The following MYCL variants were observed in gnomAD, a reference collection of about 807,000 sequenced individuals.
MYCL encodes MYCL proto-oncogene, bHLH transcription factor, also known as protein L-Myc.
Under a neutral mutation model 31.0 loss-of-function variants are expected in MYCL, and 11 were observed. That is an observed-to-expected ratio of 0.35 (90% CI 0.22 to 0.59). The LOEUF (loss-of-function observed/expected upper bound fraction) is 0.59. Among genes scored for constraint, MYCL ranks in the 20% least tolerant of loss-of-function variants. The pLI is 0.79. For synonymous variants in MYCL, 208 were observed against 202.4 expected, an observed-to-expected ratio of 1.03 and a Z score of -0.23; for missense variants, 427 against 486.1, an observed-to-expected ratio of 0.88 and a Z score of 1.14.
intron 1 of MYCL, among the ~76,000 whole-genome samples, chr1:39,899,268 A>G (rs559605953): frequency 3.9e-5 from 6 of 152,210 alleles, no homozygotes; most frequent in Admixed American, 1.3e-4. Flanking sequence ...AGAAGCTCAC[A>G]AACAGGTTCA....
rs1032884289 is a variant in MYCL, at chr1:39,901,710, G to T, written c.-276C>A. On this transcript the variant is annotated 5_prime_UTR_variant, in exon 1 of 2. Coordinates refer to ENST00000372816, the MANE Select transcript of MYCL (RefSeq NM_001033081.3). This position sits in a 1 kb window ranked among gnomAD's most constrained non-coding sequence, Gnocchi z 6.9. ...GCCCGGAGCGCAGCTCCCAGGGCCCGGCGGGGCCGGGCGGGGGCGCGCCGT... is the reference window on the plus strand; with the variant it reads ...GCCCGGAGCGCAGCTCCCAGGGCCCTGCGGGGCCGGGCGGGGGCGCGCCGT... The T allele has an allele frequency of 1.6e-6, 2 of 1,217,936 alleles. No individual in the cohort carries two copies. Among genetic ancestry groups the T allele is most frequent in the South Asian group, 6.7e-5 (2 of 29,892 alleles). 75.4% of individuals were successfully genotyped at this position (1,217,936 alleles called of 1,614,324 possible).
chr1:39,897,161 C>A lies in MYCL; in HGVS notation c.*211G>T. On this transcript the variant is annotated 3_prime_UTR_variant, in exon 2 of 2. Transcript: ENST00000372816. This position sits in a 1 kb window ranked among gnomAD's most constrained non-coding sequence, Gnocchi z 4.3. Reference sequence around the variant, plus strand: ...CAAAGGCGCCAGAGAACATACAGCACTCCCATGAGTCAGGGAAGAGGGAGA... The same window carrying A: ...CAAAGGCGCCAGAGAACATACAGCAATCCCATGAGTCAGGGAAGAGGGAGA... 1.7e-6 allele frequency: 1 copy of A among 598,214 alleles called. No homozygotes were observed. Among genetic ancestry groups the A allele is most frequent in the Non-Finnish European group, 2.9e-6 (1 of 339,824 alleles). The allele number at this position is 598,214 out of a possible 1,614,324, so 37.1% of individuals were successfully genotyped here.
chr1:39,901,543 C>T lies in MYCL; in HGVS notation c.-109G>A, dbSNP rs1644540588. On this transcript the variant is annotated 5_prime_UTR_variant, in exon 1 of 2. Coordinates refer to ENST00000372816, the MANE Select transcript of MYCL (RefSeq NM_001033081.3). The surrounding 1 kb of genome is among the most constrained non-coding windows in gnomAD (Gnocchi z 6.9). ...AGTCGGCTGCCGGGCTCTCGTTCCT[C>T]CCCAACCCCACCAGCTTGCAGCCTG... The T allele has an allele frequency of 2.0e-6, 3 of 1,488,506 alleles. No homozygotes were observed. The highest frequency in any genetic ancestry group is 2.4e-5 in the East Asian group (1 of 42,370). The allele number at this position is 1,488,506 out of a possible 1,614,324, so 92.2% of individuals were successfully genotyped here. A position where few individuals can be genotyped will look rare whatever the true frequency, so the allele number is the denominator to read the frequency against.
chr1:39,900,824 A>G (rs1359459612), intron 1 of MYCL, 115 bp downstream of exon 1: 4 of 1,486,586 alleles, frequency 2.7e-6, no homozygotes, highest in Non-Finnish European at 2.7e-6. Flanking sequence ...TCAGCCAAAG[A>G]GAGGCGGAGA....
Position 39,901,020 on chromosome 1 carries a change from T to A in MYCL, c.415A>T (p.Asn139Tyr). 2.0e-6 allele frequency: 3 copies of A among 1,497,366 alleles called. No homozygotes were observed. Among genetic ancestry groups the A allele is most frequent in the Non-Finnish European group, 2.7e-6 (3 of 1,124,828 alleles). The allele number at this position is 1,497,366 out of a possible 1,614,324, so 92.8% of individuals were successfully genotyped here. Reference protein sequence around the residue: ...PDCTPSLEAGNPAPAAPCPLG... With the variant: ...PDCTPSLEAGYPAPAAPCPLG... ...GGACAGGGGGCGGCGGGCGCCGGGT[T>A]GCCGGCTTCGAGGCTGGGAGTGCAG... Residue 139 changes from asparagine to tyrosine, a missense_variant, in exon 1 of 2, where the codon AAC (asparagine) becomes TAC (tyrosine). Physicochemically the swap from Asn to Tyr is moderately radical, Grantham distance 143. Coordinates refer to ENST00000372816, the MANE Select transcript of MYCL (RefSeq NM_001033081.3). The surrounding 1 kb of genome is among the most constrained non-coding windows in gnomAD (Gnocchi z 6.9).
chr1:39,900,795 G>A, intron 1 of MYCL, 144 bp downstream of exon 1: 1 of 1,454,308 alleles, frequency 6.9e-7, no homozygotes, highest in African/African-American at 1.5e-5. Flanking sequence ...AGACACGGTT[G>A]GGGACTACAC....
At chr1:39,899,716 C>T in intron 1 of MYCL, 2 of 985,288 alleles carry the variant, frequency 2.0e-6, no homozygotes, top group Non-Finnish European at 2.4e-6. Flanking sequence ...TAAAAATGAC[C>T]TTAACACAGT....
In MYCL at chr1:39,897,536, G is replaced by T; in HGVS notation, c.931C>A (p.Leu311Met). 6 of 1,614,230 alleles carry T rather than the reference G, an allele frequency of 3.7e-6. No individual in the cohort carries two copies. The highest frequency in any genetic ancestry group is 5.1e-6 in the Non-Finnish European group (6 of 1,180,042). Reference protein sequence around the residue: ...FLALRDQVPTLASCSKAPKVV... With the variant: ...FLALRDQVPTMASCSKAPKVV... ...TTGGGGGCCTTGGAGCAGCTGGCCA[G>T]GGTGGGCACCTGGTCCCTCAGCGCC... Residue 311 changes from leucine (L) to methionine (M), a missense_variant, in exon 2 of 2, where the codon CTG (leucine) becomes ATG (methionine). Transcript: ENST00000372816. The surrounding 1 kb of genome is among the most constrained non-coding windows in gnomAD (Gnocchi z 4.3).
chr1:39,898,058 C>T, intron 1 of MYCL, 88 bp from the exon 2 acceptor site: 2 of 1,512,438 alleles, frequency 1.3e-6, no homozygotes, highest in Non-Finnish European at 8.8e-7. Context: ...TACGCTGGTG[C>T]TTGGGAAGGT....
chr1:39,895,700 G>A lies in MYCL; in HGVS notation c.*1672C>T, dbSNP rs1234458232. 3 of 227,446 alleles carry A rather than the reference G, an allele frequency of 1.3e-5. No homozygotes were observed. Among genetic ancestry groups the A allele is most frequent in the African/African-American group, 6.7e-5 (3 of 44,936 alleles). 14.1% of individuals were successfully genotyped at this position (227,446 alleles called of 1,614,324 possible). A position where few individuals can be genotyped will look rare whatever the true frequency, so the allele number is the denominator to read the frequency against. On this transcript the variant is annotated 3_prime_UTR_variant, in exon 2 of 2. Transcript: ENST00000372816. ...CTTATAAAACACAAGCTATTCAGTT[G>A]AGACATCAGTAACCTACACCCAAAC...
In MYCL at chr1:39,901,813, T is replaced by A; in HGVS notation, c.-379A>T. On this transcript the variant is annotated 5_prime_UTR_variant, in exon 1 of 2. Coordinates refer to ENST00000372816, the MANE Select transcript of MYCL (RefSeq NM_001033081.3). This position sits in a 1 kb window ranked among gnomAD's most constrained non-coding sequence, Gnocchi z 6.9. Reference sequence around the variant, plus strand: ...CTGGCCACCCGCAGCCTCACCTCGCTCCAGCCGCCCGCCACCTGGAGCGGA... The same window carrying A: ...CTGGCCACCCGCAGCCTCACCTCGCACCAGCCGCCCGCCACCTGGAGCGGA... 3 of 1,276,056 alleles carry A rather than the reference T, an allele frequency of 2.4e-6. No individual in the cohort carries two copies. Among genetic ancestry groups the A allele is most frequent in the Non-Finnish European group, 3.0e-6 (3 of 1,000,018 alleles). 79.0% of individuals were successfully genotyped at this position (1,276,056 alleles called of 1,614,324 possible). A position where few individuals can be genotyped will look rare whatever the true frequency, so the allele number is the denominator to read the frequency against.
At chr1:39,898,963 AAAGG>A (rs1644508699) in intron 1 of MYCL, 1 of 985,324 alleles carries the variant, frequency 1.0e-6, no homozygotes, top group Non-Finnish European at 1.2e-6. Context: ...TCGGCCTCGC[AAAGG>A]AAGAGCTCCG....
chr1:39,897,738 T>G lies in MYCL; in HGVS notation c.729A>C (p.Ala243=). The stretch of plus-strand genomic sequence containing the variant: ...CATCCTCCTCATCTTCCTTTTCCCC[T>G]GCAGCATCTCTCTCCAGAACCTCTT... ...PQEEVLERDA[A]GEKEDEEDEE... is the part of the protein sequence containing the mutation. The change falls in exon 2 of 2, where the codon GCA becomes GCC. Residue 243 remains alanine, a synonymous_variant. Transcript: ENST00000372816. This position sits in a 1 kb window ranked among gnomAD's most constrained non-coding sequence, Gnocchi z 4.3. 1 of 1,614,170 alleles carries G rather than the reference T, an allele frequency of 6.2e-7. No homozygotes were observed. The highest frequency in any genetic ancestry group is 8.5e-7 in the Non-Finnish European group (1 of 1,180,030).
In MYCL at chr1:39,901,740, A is replaced by G; in HGVS notation, c.-306T>C. 8.2e-7 allele frequency: 1 copy of G among 1,216,586 alleles called. No homozygotes were observed. Among genetic ancestry groups the G allele is most frequent in the Non-Finnish European group, 1.0e-6 (1 of 980,712 alleles). The allele number at this position is 1,216,586 out of a possible 1,614,324, so 75.4% of individuals were successfully genotyped here. A position where few individuals can be genotyped will look rare whatever the true frequency, so the allele number is the denominator to read the frequency against. ...GGCCGGGCGGGGGCGCGCCGTGCCC[A>G]GAAGGCAGCCTGCAGCCAGCCCGCA... On this transcript the variant is annotated 5_prime_UTR_variant, in exon 1 of 2. Coordinates refer to ENST00000372816, the MANE Select transcript of MYCL (RefSeq NM_001033081.3). This position sits in a 1 kb window ranked among gnomAD's most constrained non-coding sequence, Gnocchi z 6.9.
intron 1 of MYCL, chr1:39,899,958 GA>G: frequency 1.0e-6 from 1 of 985,464 alleles, no homozygotes; most frequent in Non-Finnish European, 1.2e-6. Context: ...TAAGATGCCA[GA>G]ATAAGAACAA....
In MYCL at chr1:39,895,916, C is replaced by T. The variant is rs1399378111; in HGVS notation, c.*1456G>A. 1 of 222,878 alleles carries T rather than the reference C, an allele frequency of 4.5e-6. No individual in the cohort carries two copies. Among genetic ancestry groups the T allele is most frequent in the Admixed American group, 5.7e-5 (1 of 17,416 alleles). The allele number at this position is 222,878 out of a possible 1,614,324, so 13.8% of individuals were successfully genotyped here. A position where few individuals can be genotyped will look rare whatever the true frequency, so the allele number is the denominator to read the frequency against. ...AGAGCCATATATAGTACTTACCACC[C>T]CCTACCCACCCCAACTTCCAAACCC... On this transcript the variant is annotated 3_prime_UTR_variant, in exon 2 of 2. Transcript: ENST00000372816.
intron 1 of MYCL, chr1:39,898,524 G>T: frequency 3.0e-6 from 1 of 332,966 alleles, no homozygotes; most frequent in Non-Finnish European, 4.3e-6. Flanking sequence ...ATTCAGAGAA[G>T]GGAGGGCTAC....
At position 39,901,725 on chromosome 1, in the gene MYCL, G is replaced by A. The variant is rs1245233389; in HGVS notation, c.-291C>T. The A allele has an allele frequency of 2.5e-6, 3 of 1,214,110 alleles. No homozygotes were observed. In the East Asian group the frequency reaches 1.1e-4, roughly 46 times the overall value. 75.2% of individuals were successfully genotyped at this position (1,214,110 alleles called of 1,614,324 possible). On this transcript the variant is annotated 5_prime_UTR_variant, in exon 1 of 2. Coordinates refer to ENST00000372816, the MANE Select transcript of MYCL (RefSeq NM_001033081.3). This position sits in a 1 kb window ranked among gnomAD's most constrained non-coding sequence, Gnocchi z 6.9. ...CCCAGGGCCCGGCGGGGCCGGGCGG[G>A]GGCGCGCCGTGCCCAGAAGGCAGCC...
chr1:39,901,820 GC>G lies in MYCL; in HGVS notation c.-387del. 2.4e-6 allele frequency: 3 copies of G among 1,276,348 alleles called. No individual in the cohort carries two copies. The highest frequency in any genetic ancestry group is 2.0e-6 in the Non-Finnish European group (2 of 1,000,068). 79.1% of individuals were successfully genotyped at this position (1,276,348 alleles called of 1,614,324 possible). A position where few individuals can be genotyped will look rare whatever the true frequency, so the allele number is the denominator to read the frequency against. On this transcript the variant is annotated 5_prime_UTR_variant, in exon 1 of 2. The change creates a premature stop within an existing upstream ORF in the 5' untranslated region. Coordinates refer to ENST00000372816, the MANE Select transcript of MYCL (RefSeq NM_001033081.3). The surrounding 1 kb of genome is among the most constrained non-coding windows in gnomAD (Gnocchi z 6.9). ...CCCGCAGCCTCACCTCGCTCCAGCC[GC>G]CCGCCACCTGGAGCGGACCGGCTCC...
Sources: allele counts gnomAD v4.1 joint callset (sites outside exome capture counted in the v4.1 genomes callset), GRCh38; gene constraint gnomAD v4.1.1; non-coding constraint Gnocchi (gnomAD v3.1); transcripts MANE v1.5; gene names NCBI Gene and HGNC (gene_info 2026-07-23, HGNC 2026-07-21).